ADAM23: variants seen among roughly 807,000 people sequenced by gnomAD.
ADAM23 encodes ADAM metallopeptidase domain 23, also known as disintegrin and metalloproteinase domain-containing protein 23.
In ADAM23, 33 loss-of-function variants were observed where a neutral mutation model predicts 120.1. The ratio of observed to expected loss-of-function variants is 0.27; its 90% confidence interval spans 0.21 to 0.37. The LOEUF (loss-of-function observed/expected upper bound fraction) is 0.37, where lower values mean the gene tolerates loss of function less well. ADAM23 is among the 10% of genes least tolerant of loss of function. The probability of loss-of-function intolerance (pLI) is 1.00; values close to 1 mark genes in which losing one functional copy is unlikely to be tolerated. For synonymous variants in ADAM23, 367 were observed against 375.2 expected, an observed-to-expected ratio of 0.98 and a Z score of 0.25; for missense variants, 862 against 1,058.2, an observed-to-expected ratio of 0.81 and a Z score of 2.57.
At chr2:206,503,327 A>G (rs1696429819) in intron 3 of ADAM23, among the ~76,000 whole-genome samples, 1 of 152,114 alleles carries the variant, frequency 6.6e-6, no homozygotes, top group Admixed American at 6.5e-5. Flanking sequence ...ACAGTAGACA[A>G]GAAGGTACTT....
chr2:206,603,559 T>C (rs927398098), intron 24 of ADAM23, among the ~76,000 whole-genome samples: 1 of 152,198 alleles, frequency 6.6e-6, no homozygotes, highest in Non-Finnish European at 1.5e-5. Context: ...TTCCCACTTT[T>C]AACTTGCTTT....
At chr2:206,506,054 A>G (rs1221772895) in intron 3 of ADAM23, among the ~76,000 whole-genome samples, 1 of 152,216 alleles carries the variant, frequency 6.6e-6, no homozygotes, top group Non-Finnish European at 1.5e-5. Context: ...AGAATGGATC[A>G]TCACATTAAG....
chr2:206,565,196 C>T lies in ADAM23; in HGVS notation c.1394+128C>T. The stretch of plus-strand genomic sequence containing the variant: ...CAATATAAAATGAATAATTAATTGT[C>T]TGATATTTTTAAACTGAAAGATCTA... On this transcript the variant is annotated intron_variant, in intron 14 of 25. Transcript: ENST00000264377. 4.0e-6 allele frequency: 3 copies of T among 748,574 alleles called. No individual in the cohort carries two copies. The South Asian group carries it at 6.9e-5, about 17-fold the overall frequency. 46.4% of individuals were successfully genotyped at this position (748,574 alleles called of 1,614,324 possible).
chr2:206,562,253 A>C lies in ADAM23; in HGVS notation c.1305A>C (p.Gln435His). The C allele has an allele frequency of 6.2e-7, 1 of 1,614,112 alleles. No homozygotes were observed. Among genetic ancestry groups the C allele is most frequent in the Non-Finnish European group, 8.5e-7 (1 of 1,179,962 alleles). Residue 435 changes from glutamine (Q) to histidine (H), a missense_variant, in exon 13 of 26, where the codon CAA (glutamine) becomes CAC (histidine). Gln to His is a conservative substitution (Grantham distance 24). Coordinates refer to ENST00000264377, the MANE Select transcript of ADAM23 (RefSeq NM_003812.4). ...VAQVLSQSLA[Q>H]NLGIQWEPSS... ...AAGTATTATCGCAGAGCCTGGCTCA[A>C]AACCTTGGAATCCAATGGGAACCTT...
chr2:206,460,570 T>C (rs1695396324), intron 2 of ADAM23, among the ~76,000 whole-genome samples: 1 of 152,198 alleles, frequency 6.6e-6, no homozygotes. Flanking sequence ...TTTTCTAATC[T>C]AGTTGTTTGT....
rs1329549017 is a variant in ADAM23, at chr2:206,443,588, G to A, written c.-279G>A. ...GCTGAAGCGGCCGCGCCCGCCGGGG[G>A]AGGGAGTAGCCGCTGGGGAGGCTCC... On this transcript the variant is annotated 5_prime_UTR_variant, in exon 1 of 26. Coordinates refer to ENST00000264377, the MANE Select transcript of ADAM23 (RefSeq NM_003812.4). 6.8e-6 allele frequency: 1 copy of A among 146,316 alleles called. No homozygotes were observed. The highest frequency in any genetic ancestry group is 2.0e-4 in the East Asian group (1 of 5,074). 9.1% of individuals were successfully genotyped at this position (146,316 alleles called of 1,614,324 possible).
intron 18 of ADAM23, among the ~76,000 whole-genome samples, chr2:206,585,174 T>C (rs1165154319): frequency 1.3e-5 from 2 of 152,304 alleles, no homozygotes; most frequent in East Asian, 3.9e-4. Context: ...AAATTCACAG[T>C]GCAGGCCTCC....
intron 3 of ADAM23, among the ~76,000 whole-genome samples, chr2:206,497,471 C>T (rs1462118145): frequency 6.6e-6 from 1 of 152,140 alleles, no homozygotes; most frequent in Non-Finnish European, 1.5e-5. Context: ...GCTAAAAATT[C>T]TCAATAAATT....
At position 206,444,045 on chromosome 2, in the gene ADAM23, C is replaced by A; in HGVS notation, c.179C>A (p.Ser60Tyr). ...LLLLPPLAAS[S>Y]RPRAWGAAAP... ...CTGCTGCCTCCGCTCGCCGCCTCGT[C>A]CCGGCCCCGCGCCTGGGGGGCTGCT... is the stretch of plus-strand genomic sequence containing the variant. The change falls in exon 1 of 26, where the codon TCC becomes TAC. Residue 60 changes from serine to tyrosine, a missense_variant. Ser to Tyr is a moderately radical substitution (Grantham distance 144). This residue lies in a region of ADAM23 where 225 missense variants were observed against 204.0 expected (regional missense o/e 1.10). Transcript: ENST00000264377. 2.1e-6 allele frequency: 3 copies of A among 1,404,262 alleles called. No individual in the cohort carries two copies. The highest frequency in any genetic ancestry group is 1.9e-6 in the Non-Finnish European group (2 of 1,076,006). 87.0% of individuals were successfully genotyped at this position (1,404,262 alleles called of 1,614,324 possible). A position where few individuals can be genotyped will look rare whatever the true frequency, so the allele number is the denominator to read the frequency against.
intron 2 of ADAM23, among the ~76,000 whole-genome samples, chr2:206,452,834 C>T (rs981842573): frequency 6.6e-6 from 1 of 152,096 alleles, no homozygotes; most frequent in Non-Finnish European, 1.5e-5. Context: ...TCCTCCCTCT[C>T]CTGCCTATAA....
chr2:206,444,075 C>A lies in ADAM23; in HGVS notation c.209C>A (p.Pro70His). 7.3e-7 allele frequency: 1 copy of A among 1,362,964 alleles called. No homozygotes were observed. Among genetic ancestry groups the A allele is most frequent in the Admixed American group, 3.0e-5 (1 of 33,014 alleles). 84.4% of individuals were successfully genotyped at this position (1,362,964 alleles called of 1,614,324 possible). A position where few individuals can be genotyped will look rare whatever the true frequency, so the allele number is the denominator to read the frequency against. ...SRPRAWGAAA[P>H]SAPHWNETAE... ...CCCCGCGCCTGGGGGGCTGCTGCGC[C>A]CAGCGGTGGGTATGGCCCCGTGCCC... Residue 70 changes from proline to histidine, a missense_variant, in exon 1 of 26, where the codon CCC becomes CAC. Around this residue, in one of 4 missense-constraint regions of ADAM23, gnomAD observed 225 missense variants for 204.0 expected, o/e 1.10. Transcript: ENST00000264377.
intron 24 of ADAM23, among the ~76,000 whole-genome samples, chr2:206,597,666 A>G (rs561311366): frequency 3.2e-4 from 49 of 152,198 alleles, no homozygotes; most frequent in Non-Finnish European, 6.6e-4. Context: ...TACAGGGATG[A>G]CGTTGTACAT....
intron 9 of ADAM23, among the ~76,000 whole-genome samples, chr2:206,556,372 G>A (rs1697642795): frequency 1.3e-5 from 2 of 152,058 alleles, no homozygotes; most frequent in South Asian, 4.1e-4. Flanking sequence ...AATGGGCAAA[G>A]GACAAATAAA....
Position 206,444,065 on chromosome 2 carries a change from G to C in ADAM23, c.199G>C (p.Ala67Pro), listed in dbSNP as rs889778453. The C allele has an allele frequency of 3.6e-6, 5 of 1,375,886 alleles. No homozygotes were observed. The highest frequency in any genetic ancestry group is 2.3e-4 in the Middle Eastern group (1 of 4,386). The allele number at this position is 1,375,886 out of a possible 1,614,324, so 85.2% of individuals were successfully genotyped here. Residue 67 changes from alanine to proline, a missense_variant, in exon 1 of 26, where the codon GCT (alanine) becomes CCT (proline). Ala to Pro is a conservative substitution (Grantham distance 27). This residue lies in a region of ADAM23 where 225 missense variants were observed against 204.0 expected (regional missense o/e 1.10). Transcript: ENST00000264377. ...AASSRPRAWG[A>P]AAPSAPHWNE... ...CTCGTCCCGGCCCCGCGCCTGGGGGGCTGCTGCGCCCAGCGGTGGGTATGG... is the reference window on the plus strand; with the variant it reads ...CTCGTCCCGGCCCCGCGCCTGGGGGCCTGCTGCGCCCAGCGGTGGGTATGG...
chr2:206,596,024 G>A (rs1448575773), intron 23 of ADAM23, 27 bp from the exon 24 acceptor site: 1 of 1,547,714 alleles, frequency 6.5e-7, no homozygotes, highest in Admixed American at 1.7e-5. Flanking sequence ...CAGTGAAAAT[G>A]CCATATCTGT....
chr2:206,492,705 A>C (rs1187556337), intron 3 of ADAM23, among the ~76,000 whole-genome samples: 2 of 152,032 alleles, frequency 1.3e-5, no homozygotes, highest in Admixed American at 6.6e-5. Context: ...AATCTCATTG[A>C]TCATCTCATT....
At chr2:206,592,761 C>CTATT in intron 22 of ADAM23, 25 bp downstream of exon 22, 1 of 1,599,856 alleles carries the variant, frequency 6.3e-7, no homozygotes, top group African/African-American at 1.3e-5. Context: ...ATTAGAAGAC[C>CTATT]TAATAAGCCA....
chr2:206,617,005 C>G (rs1039311465), intron 25 of ADAM23, among the ~76,000 whole-genome samples: 4 of 152,128 alleles, frequency 2.6e-5, no homozygotes, highest in Admixed American at 2.0e-4. Context: ...TACTGTCTTA[C>G]TGTGCACTCT....
In ADAM23 at chr2:206,567,283, G is replaced by A; in HGVS notation, c.1455G>A (p.Gln485=). 1 of 1,613,966 alleles carries A rather than the reference G, an allele frequency of 6.2e-7. No homozygotes were observed. Among genetic ancestry groups the A allele is most frequent in the Non-Finnish European group, 8.5e-7 (1 of 1,179,896 alleles). ...CSILEYRDFL[Q]RGGGACLFNR... ...TTTTGGAGTATAGAGACTTTTTACA[G>A]AGAGGAGGTGGAGCCTGCCTTTTCA... The change falls in exon 15 of 26, where the codon CAG becomes CAA. Residue 485 remains glutamine, a synonymous_variant. Coordinates refer to ENST00000264377, the MANE Select transcript of ADAM23 (RefSeq NM_003812.4).
Sources: gnomAD v4.1 joint callset for allele counts (sites outside exome capture counted in the v4.1 genomes callset) on GRCh38, gnomAD v4.1.1 for gene constraint, gnomAD v4.1.1 regional missense constraint, MANE v1.5 for transcripts, NCBI Gene and HGNC (gene_info 2026-07-23, HGNC 2026-07-21) for gene names.